RAD51B: variants seen among roughly 807,000 people sequenced by gnomAD.
The protein encoded by RAD51B is RAD51 paralog B.
RAD51B carries 38 observed loss-of-function variants against 42.2 expected under a neutral mutation model. That is an observed-to-expected ratio of 0.90 (90% CI 0.70 to 1.18). RAD51B has a LOEUF of 1.18. RAD51B is among the 50% of genes most tolerant of loss of function. RAD51B has a pLI of 0.00. For missense variants in RAD51B, 373 were observed against 400.7 expected (o/e 0.93, Z 0.59); for synonymous variants, 154 against 145.2 (o/e 1.06, Z -0.43).
At chr14:68,232,651 A>G (rs943408816) in intron 7 of RAD51B, among the ~76,000 whole-genome samples, 4 of 152,242 alleles carry the variant, frequency 2.6e-5, no homozygotes, top group African/African-American at 9.6e-5. Flanking sequence ...GAACAGCCAG[A>G]GTCAGCAGAC....
Position 67,952,893 on chromosome 14 carries a change from GT to G in RAD51B, c.756+65699del, listed in dbSNP as rs1235873640. Among the ~76,000 whole-genome samples the G allele has an allele frequency of 1.6e-4, 23 of 146,664 alleles. 1 individual carries two copies. The highest frequency in any genetic ancestry group is 4.4e-4 in the South Asian group (2 of 4,578). On this transcript the variant is annotated intron_variant, in intron 7 of 10. Transcript: ENST00000471583. ...TAGTTTAGTTTAGTTTAGTTTTTTT[GT>G]TTTTTTTTTAATAAATGCTTACTAC...
chr14:68,110,715 T>C (rs1221550217), intron 7 of RAD51B, among the ~76,000 whole-genome samples: 1 of 152,104 alleles, frequency 6.6e-6, no homozygotes, highest in Non-Finnish European at 1.5e-5. Flanking sequence ...CATTAAATGT[T>C]AATACCCATT....
intron 10 of RAD51B, among the ~76,000 whole-genome samples, chr14:68,487,481 T>G (rs752471114): frequency 6.6e-6 from 1 of 152,166 alleles, no homozygotes; most frequent in Non-Finnish European, 1.5e-5. Flanking sequence ...TATTTTTGGT[T>G]GTTGATCATG....
At chr14:67,872,593 A>C (rs1473911704) in intron 5 of RAD51B, among the ~76,000 whole-genome samples, 3 of 149,630 alleles carry the variant, frequency 2.0e-5, no homozygotes, top group South Asian at 2.1e-4. Flanking sequence ...AACTACTTTA[A>C]AGTTCATATG....
chr14:68,581,103 C>T (rs1247690996), intron 10 of RAD51B, among the ~76,000 whole-genome samples: 2 of 151,966 alleles, frequency 1.3e-5, no homozygotes, highest in Non-Finnish European at 2.9e-5. Flanking sequence ...CTCAGGGTTT[C>T]TTTATTAAGT....
chr14:68,412,997 ATC>A (rs2084459211), intron 9 of RAD51B, among the ~76,000 whole-genome samples: 1 of 152,168 alleles, frequency 6.6e-6, no homozygotes, highest in Admixed American at 6.5e-5. Flanking sequence ...CTTATAGTTT[ATC>A]TCTGTTTCAG....
At chr14:67,837,583 TG>T (rs2041285988) in intron 4 of RAD51B, among the ~76,000 whole-genome samples, 1 of 152,128 alleles carries the variant, frequency 6.6e-6, no homozygotes, top group Admixed American at 6.5e-5. Flanking sequence ...CAATCTTTTT[TG>T]TTTTTTGTTT....
intron 7 of RAD51B, among the ~76,000 whole-genome samples, chr14:68,095,313 A>G (rs2077173146): frequency 6.6e-6 from 1 of 152,122 alleles, no homozygotes; most frequent in Non-Finnish European, 1.5e-5. Context: ...AAAAAGTCTT[A>G]GTTGAGAACT....
intron 5 of RAD51B, among the ~76,000 whole-genome samples, chr14:67,884,451 T>A (rs1282033887): frequency 6.6e-6 from 1 of 152,178 alleles, no homozygotes; most frequent in Non-Finnish European, 1.5e-5. Context: ...GCCAGACCTA[T>A]CCTGTTAAAA....
chr14:68,375,584 T>C (rs2083351774), intron 8 of RAD51B, among the ~76,000 whole-genome samples: 3 of 152,042 alleles, frequency 2.0e-5, no homozygotes, highest in African/African-American at 7.2e-5. Flanking sequence ...CTCACAACTG[T>C]AACTAACTGA....
intron 7 of RAD51B, among the ~76,000 whole-genome samples, chr14:68,061,269 A>G (rs1248123463): frequency 6.6e-6 from 1 of 151,842 alleles, no homozygotes; most frequent in Non-Finnish European, 1.5e-5. Flanking sequence ...GGGTTTCACT[A>G]TGTTGGCCAG....
intron 7 of RAD51B, among the ~76,000 whole-genome samples, chr14:68,174,390 GA>G (rs869093469): frequency 7.4e-6 from 1 of 135,078 alleles, no homozygotes; most frequent in African/African-American, 2.7e-5. Flanking sequence ...AAAAAAAAAA[GA>G]AAAAAAAAGT....
intron 7 of RAD51B, among the ~76,000 whole-genome samples, chr14:67,897,719 A>G (rs2043471603): frequency 6.6e-6 from 1 of 150,636 alleles, no homozygotes; most frequent in Non-Finnish European, 1.5e-5. Context: ...GCGCCATCTC[A>G]GCTCACTGCA....
downstream of RAD51B, among the ~76,000 whole-genome samples, chr14:68,613,241 C>A (rs1282110482): frequency 1.3e-5 from 2 of 151,714 alleles, no homozygotes; most frequent in African/African-American, 2.4e-5. Context: ...CATGGTGAAA[C>A]CCTGTCTATA....
chr14:68,145,833 G>A (rs1595466635), intron 7 of RAD51B, among the ~76,000 whole-genome samples: 2 of 152,198 alleles, frequency 1.3e-5, no homozygotes, highest in East Asian at 3.8e-4. Flanking sequence ...GAGAGTACTT[G>A]GGTTTGGCCC....
intron 9 of RAD51B, among the ~76,000 whole-genome samples, chr14:68,465,940 CAAA>C (rs59348577): frequency 7.7e-6 from 1 of 129,310 alleles, no homozygotes; most frequent in Non-Finnish European, 1.6e-5. Context: ...GACTCTGTCT[CAAA>C]AAAAAAAAAA....
rs530541198 is a variant in RAD51B, at chr14:68,159,806, T to C, written c.757-132078T>C. On this transcript the variant is annotated intron_variant, in intron 7 of 10. Transcript: ENST00000471583. ...TTACTCCCGTTCCAGATGTTTGTCA[T>C]GTGCTTTGTTGTCAATTTTAGATTT... 2.6e-5 allele frequency among the ~76,000 whole-genome samples: 4 copies of C among 152,352 alleles called. No individual in the cohort carries two copies. The East Asian group carries it at 7.7e-4, about 29-fold the overall frequency.
chr14:68,229,373 T>G (rs2140979447), intron 7 of RAD51B, among the ~76,000 whole-genome samples: 1 of 152,318 alleles, frequency 6.6e-6, no homozygotes, highest in South Asian at 2.1e-4. Flanking sequence ...TAAAACTCTT[T>G]CCTAGAGGGC....
At chr14:68,069,223 A>G (rs896769574) in intron 7 of RAD51B, among the ~76,000 whole-genome samples, 5 of 152,156 alleles carry the variant, frequency 3.3e-5, no homozygotes, top group African/African-American at 1.2e-4. Flanking sequence ...GGAGCAAGGA[A>G]TAAAGGCCTC....
Sources: gnomAD v4.1 joint callset for allele counts (sites outside exome capture counted in the v4.1 genomes callset) on GRCh38, gnomAD v4.1.1 for gene constraint, MANE v1.5 for transcripts, NCBI Gene and HGNC (gene_info 2026-07-23, HGNC 2026-07-21) for gene names.